ATG7: variants seen among roughly 807,000 people sequenced by gnomAD.
ATG7 encodes the protein autophagy related 7, also known as ubiquitin-like modifier-activating enzyme ATG7.
In ATG7, 70 loss-of-function variants were observed where a neutral mutation model predicts 82.4. The observed-to-expected ratio is 0.85, with a 90% CI of 0.70 to 1.04. The LOEUF is 1.04. Ranked by LOEUF, ATG7 falls within the 50% of genes least tolerant of loss-of-function variation. The pLI, the probability that ATG7 is intolerant of heterozygous loss-of-function variation, is 0.00. For synonymous variants in ATG7, 287 were observed against 313.0 expected (o/e 0.92, Z 0.88); for missense variants, 792 against 864.3 (o/e 0.92, Z 1.05).
intron 20 of ATG7, among the ~76,000 whole-genome samples, chr3:11,501,124 C>T (rs922013521): frequency 6.9e-4 from 105 of 152,174 alleles, no homozygotes; most frequent in Non-Finnish European, 1.0e-3. Flanking sequence ...TATGGTGATA[C>T]GCACCTGTAG....
At chr3:11,347,732 G>T in intron 13 of ATG7, 145 bp from the exon 14 acceptor site, 1 of 840,260 alleles carries the variant, frequency 1.2e-6, no homozygotes, top group Non-Finnish European at 1.7e-6. Flanking sequence ...ATCGTAACCT[G>T]AATTTGCACA....
chr3:11,315,729 TTTTG>T (rs1435113371), intron 9 of ATG7, among the ~76,000 whole-genome samples: 2 of 152,186 alleles, frequency 1.3e-5, no homozygotes, highest in African/African-American at 4.8e-5. Context: ...TACTCTTTTT[TTTTG>T]TTTGTTTGTT....
chr3:11,289,719 G>A (rs1422024748), intron 3 of ATG7, among the ~76,000 whole-genome samples: 2 of 152,014 alleles, frequency 1.3e-5, no homozygotes, highest in East Asian at 1.9e-4. Flanking sequence ...TGCAATGCCC[G>A]GCAAATTTTA....
chr3:11,478,989 AACACACACACACACACAC>A (rs71628717), intron 20 of ATG7, among the ~76,000 whole-genome samples: 3 of 73,134 alleles, frequency 4.1e-5, no homozygotes, highest in East Asian at 4.7e-4. Context: ...GTATATTTAC[AACACACACACACACACAC>A]ACACACACAC....
intron 20 of ATG7, among the ~76,000 whole-genome samples, chr3:11,537,733 G>C (rs2070440879): frequency 6.6e-6 from 1 of 152,228 alleles, no homozygotes; most frequent in South Asian, 2.1e-4. Context: ...CCTGCTCGGT[G>C]CCAGGTTCTG....
At position 11,273,365 on chromosome 3, in the gene ATG7, C is replaced by G. The variant is rs189868407; in HGVS notation, c.-366+935C>G. Among the ~76,000 whole-genome samples the G allele has an allele frequency of 3.3e-5, 5 of 152,276 alleles. No homozygotes were observed. In the East Asian group the frequency reaches 7.7e-4, roughly 23 times the overall value. On this transcript the variant is annotated intron_variant, in intron 1 of 20. Coordinates refer to ENST00000693202, the MANE Select transcript of ATG7 (RefSeq NM_001349232.2). ...TCTGGTTGCTCCTGTTTGGTCCTCCCCCAGTTCTGACTCTTAGGTTGAGCT... is the reference window on the plus strand; with the variant it reads ...TCTGGTTGCTCCTGTTTGGTCCTCCGCCAGTTCTGACTCTTAGGTTGAGCT...
chr3:11,299,406 G>C lies in ATG7; in HGVS notation c.205G>C (p.Ala69Pro). The change falls in exon 5 of 21, where the codon GCT becomes CCT. Residue 69 changes from alanine to proline, a missense_variant. By Grantham distance (27) the Ala-to-Pro change is conservative. Coordinates refer to ENST00000693202, the MANE Select transcript of ATG7 (RefSeq NM_001349232.2). ...LPARLTLEFSAFDMSAPTPAR... is the reference protein window; with the variant it reads ...LPARLTLEFSPFDMSAPTPAR... ...AGCTCGCTTAACATTGGAGTTCAGT[G>C]CTTTTGACATGTGAGTATTTATTTG... is the stretch of plus-strand genomic sequence containing the variant. 9.9e-6 allele frequency: 16 copies of C among 1,610,758 alleles called. No individual in the cohort carries two copies. The highest frequency in any genetic ancestry group is 1.4e-5 in the Non-Finnish European group (16 of 1,176,974).
At chr3:11,379,139 A>C (rs1390051484) in intron 18 of ATG7, among the ~76,000 whole-genome samples, 2 of 152,176 alleles carry the variant, frequency 1.3e-5, no homozygotes, top group Non-Finnish European at 2.9e-5. Flanking sequence ...GTTTTTCAAC[A>C]TAAAATGGGG....
intron 19 of ATG7, among the ~76,000 whole-genome samples, chr3:11,406,907 G>A (rs1433479717): frequency 6.6e-6 from 1 of 152,042 alleles, no homozygotes; most frequent in Non-Finnish European, 1.5e-5. Context: ...ATTTGGTTGG[G>A]GACACAGAGC....
At position 11,374,404 on chromosome 3, in the gene ATG7, T is replaced by C. The variant is rs146780174; in HGVS notation, c.1876-5568T>C. Among the ~76,000 whole-genome samples the C allele has an allele frequency of 1.9e-3, 292 of 152,330 alleles. 1 individual carries two copies. The highest frequency in any genetic ancestry group is 6.5e-3 in the African/African-American group (271 of 41,578). On this transcript the variant is annotated intron_variant, in intron 18 of 20. Transcript: ENST00000693202. ...ATGCAAAAGAATGAATTTAGACCTT[T>C]ATTTCATACCATGTTAAAAAATTAA... is the stretch of plus-strand genomic sequence containing the variant.
Position 11,364,715 on chromosome 3 carries a change from T to C in ATG7, c.1856T>C (p.Leu619Pro). ...CGGATGAATGAGCCTCCAACCTCTC[T>C]TGGGCTTGTGCCTCACCAGGTTAGT... ...DDRMNEPPTS[L>P]GLVPHQIRGF... The change falls in exon 18 of 21, where the codon CTT (leucine) becomes CCT (proline). Residue 619 changes from leucine (L) to proline (P), a missense_variant. Coordinates refer to ENST00000693202, the MANE Select transcript of ATG7 (RefSeq NM_001349232.2). 1 of 1,614,148 alleles carries C rather than the reference T, an allele frequency of 6.2e-7. No homozygotes were observed. Among genetic ancestry groups the C allele is most frequent in the Non-Finnish European group, 8.5e-7 (1 of 1,179,982 alleles).
intron 20 of ATG7, among the ~76,000 whole-genome samples, chr3:11,501,269 A>G (rs2091297325): frequency 6.6e-6 from 1 of 152,202 alleles, no homozygotes; most frequent in African/African-American, 2.4e-5. Flanking sequence ...AAAGAAAATC[A>G]TAGAAATTTT....
At chr3:11,472,996 C>CT (rs111824597) in intron 20 of ATG7, among the ~76,000 whole-genome samples, 36 of 151,724 alleles carry the variant, frequency 2.4e-4, no homozygotes, top group South Asian at 6.2e-4. Flanking sequence ...TTTCCTTTCA[C>CT]TTTTTTTTTG....
intron 19 of ATG7, 79 bp downstream of exon 19, chr3:11,380,131 C>T: frequency 1.4e-6 from 2 of 1,379,714 alleles, no homozygotes; most frequent in Middle Eastern, 1.8e-4. Context: ...CCAGCTGGAG[C>T]CCTTGAAACC....
chr3:11,538,874 C>CAAAAAAAA (rs60200228), intron 20 of ATG7, among the ~76,000 whole-genome samples: 2 of 140,224 alleles, frequency 1.4e-5, no homozygotes, highest in Non-Finnish European at 3.0e-5. Flanking sequence ...ACTCTTGTCT[C>CAAAAAAAA]AAAAAAAAAG....
chr3:11,275,325 C>T (rs1310862147), intron 1 of ATG7, among the ~76,000 whole-genome samples: 1 of 151,478 alleles, frequency 6.6e-6, no homozygotes, highest in African/African-American at 2.4e-5. Flanking sequence ...ATGACGTTCG[C>T]TAATGTCTTC....
chr3:11,292,380 C>T (rs1394683754), intron 3 of ATG7, among the ~76,000 whole-genome samples: 1 of 152,080 alleles, frequency 6.6e-6, no homozygotes, highest in Non-Finnish European at 1.5e-5. Context: ...CTGCGTCAGC[C>T]TCCCAAATAG....
At chr3:11,512,081 A>G (rs1319036794) in intron 20 of ATG7, among the ~76,000 whole-genome samples, 9 of 152,158 alleles carry the variant, frequency 5.9e-5, no homozygotes, top group Non-Finnish European at 1.0e-4. Context: ...CTCAAATGCC[A>G]CCAAAGTGGG....
At chr3:11,500,372 G>T (rs888775159) in intron 20 of ATG7, among the ~76,000 whole-genome samples, 1 of 151,794 alleles carries the variant, frequency 6.6e-6, no homozygotes, top group Non-Finnish European at 1.5e-5. Flanking sequence ...TGATCATATC[G>T]AGTAGGACAC....
Sources: allele counts gnomAD v4.1 joint callset (sites outside exome capture counted in the v4.1 genomes callset), GRCh38; gene constraint gnomAD v4.1.1; transcripts MANE v1.5; gene names NCBI Gene and HGNC (gene_info 2026-07-23, HGNC 2026-07-21).